SLC12A6: variants seen among roughly 807,000 people sequenced by gnomAD.
SLC12A6 encodes K-Cl cotransporter 3.
SLC12A6 carries 66 observed loss-of-function variants against 135.3 expected under a neutral mutation model. The ratio of observed to expected loss-of-function variants is 0.49; its 90% CI spans 0.40 to 0.60. The LOEUF is 0.60. Ranked by LOEUF, SLC12A6 falls within the 20% of genes least tolerant of loss-of-function variation. The pLI is 0.00. For missense variants in SLC12A6, 1,058 were observed against 1,452.3 expected (o/e 0.73, Z 4.41); for synonymous variants, 513 against 508.8 (o/e 1.01, Z -0.11).
At chr15:34,331,380 A>T (rs1889835563) in intron 2 of SLC12A6, among the ~76,000 whole-genome samples, 2 of 152,184 alleles carry the variant, frequency 1.3e-5, no homozygotes, top group Admixed American at 1.3e-4. Context: ...GCCTCAAGTG[A>T]TCCGCCCGCC....
chr15:34,306,421 A>T (rs1400981784), intron 2 of SLC12A6, among the ~76,000 whole-genome samples: 2 of 152,180 alleles, frequency 1.3e-5, no homozygotes, highest in East Asian at 3.8e-4. Flanking sequence ...GATATCTACC[A>T]AACCAAGTTC....
rs188796935 is a variant in SLC12A6, at chr15:34,240,715, A to G, written c.2382T>C (p.Ser794=). 1.7e-5 allele frequency: 28 copies of G among 1,614,090 alleles called. No individual in the cohort carries two copies. The highest frequency in any genetic ancestry group is 5.5e-5 in the South Asian group (5 of 91,088). Residue 794 remains serine (S), a synonymous_variant, in exon 19 of 26, where the codon TCT becomes TCC. Transcript: ENST00000354181. ...TCTCTAGGAAGTTCCCCACGATGAC[A>G]GAGCCCACAATAGTGAGACCTTTTC... ...KAGKGLTIVG[S]VIVGNFLENY...
At chr15:34,260,733 C>A (rs185232928) in intron 4 of SLC12A6, among the ~76,000 whole-genome samples, 193 bp downstream of exon 4, 24 of 152,306 alleles carry the variant, frequency 1.6e-4, no homozygotes, top group Admixed American at 7.8e-4. Context: ...TACTACATAA[C>A]AATTTGATTT....
rs117540484 is a variant in SLC12A6, at chr15:34,233,787, C to G, written c.*94G>C. ...TATGATGTGTACAGAACACAGGCTT[C>G]TAGTTGAGTGGGAGTGGTAGTAATG... On this transcript the variant is annotated 3_prime_UTR_variant, in exon 26 of 26. Transcript: ENST00000354181. 1.2e-4 allele frequency: 90 copies of G among 754,504 alleles called. No individual in the cohort carries two copies. The Middle Eastern group carries it at 1.6e-3, about 13-fold the overall frequency. The allele number at this position is 754,504 out of a possible 1,614,324, so 46.7% of individuals were successfully genotyped here.
chr15:34,281,669 T>C (rs1595490884), intron 2 of SLC12A6, among the ~76,000 whole-genome samples: 1 of 152,252 alleles, frequency 6.6e-6, no homozygotes, highest in Admixed American at 6.5e-5. Flanking sequence ...ATGCCTGTAG[T>C]CCCAGCTACT....
chr15:34,302,608 T>C (rs1896330467), intron 2 of SLC12A6, among the ~76,000 whole-genome samples: 1 of 152,104 alleles, frequency 6.6e-6, no homozygotes, highest in African/African-American at 2.4e-5. Context: ...GGTAAAAGAA[T>C]TGCTTGAACC....
At chr15:34,325,444 T>G (rs1889396664) in intron 2 of SLC12A6, among the ~76,000 whole-genome samples, 1 of 152,196 alleles carries the variant, frequency 6.6e-6, no homozygotes, top group Non-Finnish European at 1.5e-5. Flanking sequence ...TTTTAAATCT[T>G]GACTTGAAAC....
At chr15:34,243,855 A>C in intron 16 of SLC12A6, 119 bp downstream of exon 16, 1 of 737,884 alleles carries the variant, frequency 1.4e-6, no homozygotes, top group Non-Finnish European at 2.5e-6. Context: ...AAGTTGAAAC[A>C]GTATGAAATG....
chr15:34,278,638 C>T (rs1000687602), intron 2 of SLC12A6, among the ~76,000 whole-genome samples: 1 of 152,002 alleles, frequency 6.6e-6, no homozygotes, highest in Non-Finnish European at 1.5e-5. Flanking sequence ...GTAGCGCGAT[C>T]TCGGCTCACT....
At chr15:34,333,796 C>T (rs1337386184) in intron 2 of SLC12A6, among the ~76,000 whole-genome samples, 4 of 152,006 alleles carry the variant, frequency 2.6e-5, no homozygotes, top group East Asian at 1.9e-4. Context: ...TAGGGCTGGG[C>T]GCTGTGGCTC....
At position 34,240,951 on chromosome 15, in the gene SLC12A6, A is replaced by C. The variant is rs969260823; in HGVS notation, c.2268-122T>G. 24 of 804,316 alleles carry C rather than the reference A, an allele frequency of 3.0e-5. No individual in the cohort carries two copies. The Admixed American group carries it at 4.6e-4, about 15-fold the overall frequency. The allele number at this position is 804,316 out of a possible 1,614,324, so 49.8% of individuals were successfully genotyped here. A position where few individuals can be genotyped will look rare whatever the true frequency, so the allele number is the denominator to read the frequency against. ...ATGAAACAGGTAATTTGACAGAAGG[A>C]AGAGATCACAGGAGATGACAGGATA... On this transcript the variant is annotated intron_variant, in intron 18 of 25. Transcript: ENST00000354181.
At chr15:34,247,035 T>C (rs528553631) in intron 13 of SLC12A6, among the ~76,000 whole-genome samples, 10 of 152,232 alleles carry the variant, frequency 6.6e-5, no homozygotes, top group African/African-American at 2.2e-4. Flanking sequence ...TAAACTGCTG[T>C]CCAGAAAGTT....
At chr15:34,281,649 A>G (rs1423213668) in intron 2 of SLC12A6, among the ~76,000 whole-genome samples, 1 of 152,148 alleles carries the variant, frequency 6.6e-6, no homozygotes, top group East Asian at 1.9e-4. Context: ...TTAGCTGGGC[A>G]TGGTGGCGCA....
chr15:34,240,728 G>A lies in SLC12A6; in HGVS notation c.2369C>T (p.Thr790Ile). 6.2e-7 allele frequency: 1 copy of A among 1,613,994 alleles called. No homozygotes were observed. Among genetic ancestry groups the A allele is most frequent in the Non-Finnish European group, 8.5e-7 (1 of 1,179,828 alleles). The change falls in exon 19 of 26, where the codon ACT becomes ATT. Residue 790 changes from threonine to isoleucine, a missense_variant. This residue lies in a region of SLC12A6 where 31 missense variants were observed against 24.3 expected (regional missense o/e 1.28). Coordinates refer to ENST00000354181, the MANE Select transcript of SLC12A6 (RefSeq NM_001365088.1). Reference sequence around the variant, plus strand: ...CCCCACGATGACAGAGCCCACAATAGTGAGACCTTTTCCTGCTTTGAGCTG... The same window carrying A: ...CCCCACGATGACAGAGCCCACAATAATGAGACCTTTTCCTGCTTTGAGCTG... ...ASQLKAGKGL[T>I]IVGSVIVGNF...
chr15:34,294,307 A>G (rs575870068), intron 2 of SLC12A6, among the ~76,000 whole-genome samples: 145 of 152,122 alleles, frequency 9.5e-4, no homozygotes, highest in African/African-American at 3.3e-3. Context: ...ATCACGGCTC[A>G]CTGCAAACTC....
intron 2 of SLC12A6, among the ~76,000 whole-genome samples, chr15:34,300,717 T>C (rs886844665): frequency 3.4e-5 from 5 of 146,534 alleles, no homozygotes; most frequent in Non-Finnish European, 7.4e-5. Context: ...TGCCTGAACC[T>C]GGGAGACAGA....
At chr15:34,265,659 G>A (rs564259978) in intron 3 of SLC12A6, among the ~76,000 whole-genome samples, 136 of 152,260 alleles carry the variant, frequency 8.9e-4, no homozygotes, top group Admixed American at 1.4e-3. Context: ...AACTACTAAT[G>A]TGAAGACAAT....
chr15:34,267,695 GT>G (rs1173834190), intron 3 of SLC12A6, among the ~76,000 whole-genome samples: 2 of 152,158 alleles, frequency 1.3e-5, no homozygotes, highest in Non-Finnish European at 2.9e-5. Context: ...CAAAATTTTT[GT>G]GTACACTTAT....
In SLC12A6 at chr15:34,310,096, C is replaced by T. The variant is rs559216701; in HGVS notation, c.271+26314G>A. On this transcript the variant is annotated intron_variant, in intron 2 of 25. Transcript: ENST00000354181. ...TGATAACGGATTACTGCAGCCTCCA[C>T]CTCCTGGGTTCAAGCAATCCTCCCA... Among the ~76,000 whole-genome samples the T allele has an allele frequency of 1.2e-3, 176 of 151,850 alleles. 1 individual carries two copies. Among genetic ancestry groups the T allele is most frequent in the South Asian group, 8.3e-3 (40 of 4,816 alleles).
Sources: allele counts gnomAD v4.1 joint callset (sites outside exome capture counted in the v4.1 genomes callset), GRCh38; gene constraint gnomAD v4.1.1; regional missense constraint gnomAD v4.1.1; transcripts MANE v1.5; gene names NCBI Gene and HGNC (gene_info 2026-07-23, HGNC 2026-07-21).